PSD3: variants seen among roughly 807,000 people sequenced by gnomAD.
PSD3 encodes the protein PH and SEC7 domain-containing protein 3.
A neutral mutation model predicts 105.5 loss-of-function variants in PSD3; 49 were observed. The observed-to-expected ratio is 0.46, with a 90% CI of 0.37 to 0.59. The LOEUF (loss-of-function observed/expected upper bound fraction) is 0.59, where lower values mean the gene tolerates loss of function less well. Ranked by LOEUF, PSD3 falls within the 20% of genes least tolerant of loss-of-function variation. PSD3 has a pLI of 0.00. For synonymous variants in PSD3, 557 were observed against 457.8 expected (o/e 1.22, Z -2.77); for missense variants, 1,561 against 1,263.8 (o/e 1.24, Z -3.57).
At chr8:18,544,171 C>CAAAAAAAAAA (rs201016537) in intron 15 of PSD3, among the ~76,000 whole-genome samples, 58 of 106,656 alleles carry the variant, frequency 5.4e-4, no homozygotes, top group South Asian at 1.1e-3. Flanking sequence ...AGAAACAAAC[C>CAAAAAAAAAA]AAAAAAAAAA....
At chr8:18,729,580 C>A (rs1358995049) in intron 9 of PSD3, among the ~76,000 whole-genome samples, 1 of 152,166 alleles carries the variant, frequency 6.6e-6, no homozygotes, top group Non-Finnish European at 1.5e-5. Flanking sequence ...AAAAAGGGTA[C>A]AGTGCAGGTT....
chr8:18,579,426 C>T (rs1386582031), intron 12 of PSD3, among the ~76,000 whole-genome samples: 1 of 152,024 alleles, frequency 6.6e-6, no homozygotes, highest in African/African-American at 2.4e-5. Flanking sequence ...AATTACTATC[C>T]ATTTTCTCAA....
At chr8:18,973,876 T>G (rs775254159) in intron 1 of PSD3, among the ~76,000 whole-genome samples, 1 of 152,224 alleles carries the variant, frequency 6.6e-6, no homozygotes, top group Non-Finnish European at 1.5e-5. Flanking sequence ...ATCAAATCTT[T>G]CTGTCCATTC....
intron 9 of PSD3, among the ~76,000 whole-genome samples, chr8:18,700,444 C>G (rs1259360991): frequency 6.6e-6 from 1 of 152,198 alleles, no homozygotes; most frequent in Non-Finnish European, 1.5e-5. Context: ...TAACATACTG[C>G]TGAAATAGTG....
chr8:18,575,041 C>T, intron 13 of PSD3, 87 bp downstream of exon 13: 1 of 1,379,028 alleles, frequency 7.3e-7, no homozygotes. Context: ...AAAAAATTTC[C>T]CCTGCAGAGC....
rs142576267 is a variant in PSD3 at position 18,614,162 on chromosome 8, G to A, written c.2411-13728C>T. Among the ~76,000 whole-genome samples, 144 of 152,294 alleles carry A rather than the reference G, an allele frequency of 9.5e-4. 1 individual carries two copies. The highest frequency in any genetic ancestry group is 7.9e-3 in the East Asian group (41 of 5,188). On this transcript the variant is annotated intron_variant, in intron 11 of 15. Coordinates refer to ENST00000327040, the MANE Select transcript of PSD3 (RefSeq NM_015310.4). ...CTAATCACTCTCTGCAACATAGGAC[G>A]TGTATGCTTCCTTCAGTATTTCCTA... is the stretch of plus-strand genomic sequence containing the variant.
chr8:18,688,153 A>G (rs1800768649), intron 9 of PSD3, among the ~76,000 whole-genome samples: 1 of 152,110 alleles, frequency 6.6e-6, no homozygotes, highest in African/African-American at 2.4e-5. Context: ...ATAATAGCTC[A>G]CTGCAGCTAT....
At chr8:18,623,950 G>C (rs950436431) in intron 11 of PSD3, among the ~76,000 whole-genome samples, 2 of 151,992 alleles carry the variant, frequency 1.3e-5, no homozygotes, top group Non-Finnish European at 2.9e-5. Flanking sequence ...ATTACCACTG[G>C]TGAGATTCCT....
At chr8:18,805,600 A>G (rs984470647) in intron 4 of PSD3, among the ~76,000 whole-genome samples, 1 of 152,140 alleles carries the variant, frequency 6.6e-6, no homozygotes, top group Non-Finnish European at 1.5e-5. Flanking sequence ...AACTTTTTGT[A>G]CTCTTATATT....
intron 1 of PSD3, among the ~76,000 whole-genome samples, chr8:19,073,632 G>A (rs2129478037): frequency 6.7e-6 from 1 of 149,190 alleles, no homozygotes; most frequent in Admixed American, 6.7e-5. Context: ...AGGGAAAAAG[G>A]CAGAAAAGCC....
intron 8 of PSD3, among the ~76,000 whole-genome samples, chr8:18,785,166 G>A (rs976773433): frequency 1.3e-5 from 2 of 152,064 alleles, no homozygotes; most frequent in Admixed American, 6.5e-5. Context: ...GACCAAATCT[G>A]TATTTCTTAT....
intron 9 of PSD3, among the ~76,000 whole-genome samples, chr8:18,749,559 A>C (rs372381597): frequency 6.6e-6 from 1 of 152,212 alleles, no homozygotes; most frequent in Non-Finnish European, 1.5e-5. Context: ...AAGGTTACTC[A>C]TCAACTAACC....
At chr8:18,931,301 G>A (rs1270689236) in intron 2 of PSD3, among the ~76,000 whole-genome samples, 2 of 151,802 alleles carry the variant, frequency 1.3e-5, no homozygotes, top group South Asian at 4.2e-4. Flanking sequence ...AAGGAGTCAT[G>A]TATCTACATA....
At chr8:19,035,763 G>A (rs1246107010) in intron 1 of PSD3, among the ~76,000 whole-genome samples, 1 of 151,604 alleles carries the variant, frequency 6.6e-6, no homozygotes, top group African/African-American at 2.4e-5. Flanking sequence ...TTTTTGGGGG[G>A]GGTGTGGGGG....
At chr8:18,571,546 C>T (rs1240376494) in intron 14 of PSD3, among the ~76,000 whole-genome samples, 1 of 152,218 alleles carries the variant, frequency 6.6e-6, no homozygotes, top group East Asian at 1.9e-4. Flanking sequence ...AATCATTTTA[C>T]AATGACTTCC....
chr8:18,581,218 A>G (rs1440369745), intron 12 of PSD3, among the ~76,000 whole-genome samples: 1 of 152,254 alleles, frequency 6.6e-6, no homozygotes, highest in Non-Finnish European at 1.5e-5. Context: ...GTCAATTAAA[A>G]TGCACATTCA....
intron 9 of PSD3, among the ~76,000 whole-genome samples, chr8:18,659,649 T>A (rs1032449724): frequency 6.6e-6 from 1 of 152,328 alleles, no homozygotes; most frequent in South Asian, 2.1e-4. Flanking sequence ...TAGAATATAT[T>A]CAAATAATCT....
chr8:18,969,919 C>A (rs1369020221), intron 1 of PSD3, among the ~76,000 whole-genome samples: 1 of 152,016 alleles, frequency 6.6e-6, no homozygotes, highest in Non-Finnish European at 1.5e-5. Flanking sequence ...GCGCAAAATA[C>A]CTATAGCTTT....
rs373618879 is a variant in PSD3 at position 18,642,360 on chromosome 8, T to C, written c.2217-9554A>G. On this transcript the variant is annotated intron_variant, in intron 10 of 15. Coordinates refer to ENST00000327040, the MANE Select transcript of PSD3 (RefSeq NM_015310.4). ...ATATACATATATGTATAAATTATAATGTACGAGTACATAAATGCTCAATGA... is the reference window on the plus strand; with the variant it reads ...ATATACATATATGTATAAATTATAACGTACGAGTACATAAATGCTCAATGA... Among the ~76,000 whole-genome samples, 10 of 152,278 alleles carry C rather than the reference T, an allele frequency of 6.6e-5. No individual in the cohort carries two copies. The East Asian group carries it at 1.9e-3, about 29-fold the overall frequency.
Sources: gnomAD v4.1 joint callset for allele counts (sites outside exome capture counted in the v4.1 genomes callset) on GRCh38, gnomAD v4.1.1 for gene constraint, MANE v1.5 for transcripts, NCBI Gene and HGNC (gene_info 2026-07-23, HGNC 2026-07-21) for gene names.